Variants in EPB41 observed in about 807,000 individuals in gnomAD.
EPB41 encodes the protein erythrocyte membrane protein band 4.1, also known as protein 4.1.
Under a neutral mutation model 108.0 loss-of-function variants are expected in EPB41, and 65 were observed. The ratio of observed to expected loss-of-function variants is 0.60; its 90% CI spans 0.49 to 0.74. The LOEUF is 0.74. Ranked by LOEUF, EPB41 falls within the 30% of genes least tolerant of loss-of-function variation. The probability of loss-of-function intolerance (pLI) is 0.00; values close to 1 mark genes in which losing one functional copy is unlikely to be tolerated. For missense variants in EPB41, 875 were observed against 1,037.0 expected, an observed-to-expected ratio of 0.84 and a Z score of 2.15; for synonymous variants, 336 against 358.9, an observed-to-expected ratio of 0.94 and a Z score of 0.72.
intron 16 of EPB41, chr1:29,073,003 T>A (rs1652183098): frequency 6.8e-6 from 1 of 146,340 alleles, no homozygotes; most frequent in African/African-American, 2.5e-5. Context: ...CCGAGCTACT[T>A]GGGAGGCTGA....
intron 1 of EPB41, among the ~76,000 whole-genome samples, chr1:28,935,867 C>T (rs557799850): frequency 3.3e-4 from 49 of 150,724 alleles, no homozygotes; most frequent in African/African-American, 1.1e-3. Context: ...TGGAGTCAGC[C>T]GAGACTGTGC....
At chr1:29,033,295 G>A in intron 9 of EPB41, 50 bp downstream of exon 9, 5 of 1,596,618 alleles carry the variant, frequency 3.1e-6, no homozygotes, top group Non-Finnish European at 4.3e-6. Flanking sequence ...GTCTGTATCT[G>A]AAATATCTAC....
intron 1 of EPB41, among the ~76,000 whole-genome samples, chr1:28,905,818 CTTT>C (rs573552880): frequency 1.3e-4 from 17 of 133,856 alleles, no homozygotes; most frequent in Admixed American, 1.6e-4. Flanking sequence ...TTCTTTCTTT[CTTT>C]TTTTTTTTTT....
intron 10 of EPB41, 130 bp downstream of exon 10, chr1:29,036,053 G>A: frequency 1.4e-6 from 1 of 701,934 alleles, no homozygotes; most frequent in Admixed American, 2.4e-5. Flanking sequence ...ATCATCTTAA[G>A]CAAGACAAAA....
At chr1:28,892,579 G>T (rs1189393625) in intron 1 of EPB41, among the ~76,000 whole-genome samples, 1 of 151,910 alleles carries the variant, frequency 6.6e-6, no homozygotes, top group African/African-American at 2.4e-5. Flanking sequence ...AAAATACACG[G>T]TGGCATGCGC....
Position 28,907,851 on chromosome 1 carries a change from G to A in EPB41, c.-8+20641G>A, listed in dbSNP as rs926645777. 1.3e-4 allele frequency among the ~76,000 whole-genome samples: 19 copies of A among 143,290 alleles called. No individual in the cohort carries two copies. In the East Asian group the frequency reaches 3.4e-3, roughly 26 times the overall value. 94.0% of individuals were successfully genotyped at this position (143,290 alleles called of 152,430 possible). ...TTTTAAAAATTTTAATTTTTTTTTT[G>A]TAGAGATGAGGTCTCACTATGTTGC... On this transcript the variant is annotated intron_variant, in intron 1 of 16. Coordinates refer to the EPB41 transcript ENST00000347529.
intron 16 of EPB41, among the ~76,000 whole-genome samples, chr1:29,077,395 AC>A (rs1654526707): frequency 6.6e-6 from 1 of 151,606 alleles, no homozygotes; most frequent in Admixed American, 6.6e-5. Flanking sequence ...ACATAGCAAG[AC>A]CCCATCTCAA....
chr1:28,971,417 C>G (rs2095494814), intron 1 of EPB41, among the ~76,000 whole-genome samples: 1 of 151,700 alleles, frequency 6.6e-6, no homozygotes. Flanking sequence ...CTCCTGACCT[C>G]AAGTGATCCA....
rs200050485 is a variant in EPB41 at position 28,900,288 on chromosome 1, TTC to T, written c.-8+13080_-8+13081del. Among the ~76,000 whole-genome samples the T allele has an allele frequency of 1.8e-4, 27 of 149,526 alleles. 1 individual carries two copies. The highest frequency in any genetic ancestry group is 3.2e-4 in the African/African-American group (13 of 40,094). On this transcript the variant is annotated intron_variant, in intron 1 of 16. Transcript: ENST00000347529. ...GTGATGTGGGATCATTTACTTCTTCTTCTTTTTTTTTTTTTTTGAGATGGAGT... is the reference window on the plus strand; with the variant it reads ...GTGATGTGGGATCATTTACTTCTTCTTTTTTTTTTTTTTTTGAGATGGAGT...
chr1:28,983,740 C>T (rs916188692), intron 1 of EPB41, among the ~76,000 whole-genome samples: 1 of 152,150 alleles, frequency 6.6e-6, no homozygotes, highest in South Asian at 2.1e-4. Flanking sequence ...TCCCTCCAAG[C>T]CCCAGAGGGC....
chr1:28,960,995 C>G (rs2095189537), intron 1 of EPB41, among the ~76,000 whole-genome samples: 1 of 148,366 alleles, frequency 6.7e-6, no homozygotes, highest in Non-Finnish European at 1.5e-5. Flanking sequence ...GATAGTGCCA[C>G]TGCACTCCAG....
At chr1:29,054,532 A>G (rs1472370219) in intron 12 of EPB41, 1 of 90,796 alleles carries the variant, frequency 1.1e-5, no homozygotes, top group Non-Finnish European at 2.4e-5. Context: ...TGTTTTGATT[A>G]TATTAAAAAA....
Position 28,956,949 on chromosome 1 carries a change from G to A in EPB41, c.-7-30482G>A, listed in dbSNP as rs1287181606. 3.3e-5 allele frequency among the ~76,000 whole-genome samples: 5 copies of A among 152,340 alleles called. No individual in the cohort carries two copies. In the East Asian group the frequency reaches 9.6e-4, roughly 29 times the overall value. On this transcript the variant is annotated intron_variant, in intron 1 of 20. Coordinates refer to ENST00000343067, the MANE Select transcript of EPB41 (RefSeq NM_001376013.1). ...AGAGTTTAGGAAAGGCTTCCTACATGAGCTGCAACTTGAGCTTAGCCTTGA... is the reference window on the plus strand; with the variant it reads ...AGAGTTTAGGAAAGGCTTCCTACATAAGCTGCAACTTGAGCTTAGCCTTGA...
At chr1:29,031,352 A>G (rs1310717662) in intron 8 of EPB41, among the ~76,000 whole-genome samples, 1 of 152,202 alleles carries the variant, frequency 6.6e-6, no homozygotes, top group Non-Finnish European at 1.5e-5. Flanking sequence ...GAGGATGTTC[A>G]TTAAATATGT....
chr1:28,982,852 A>G (rs1324650435), intron 1 of EPB41, among the ~76,000 whole-genome samples: 2 of 152,188 alleles, frequency 1.3e-5, no homozygotes, highest in Admixed American at 6.5e-5. Flanking sequence ...GTAGCCTATG[A>G]AGTGTTCTGT....
chr1:29,023,611 C>T lies in EPB41; in HGVS notation c.1124+5169C>T, dbSNP rs1046735798. Among the ~76,000 whole-genome samples, 22 of 151,582 alleles carry T rather than the reference C, an allele frequency of 1.5e-4. 1 individual carries two copies. The highest frequency in any genetic ancestry group is 5.1e-4 in the African/African-American group (21 of 41,092). Reference sequence around the variant, plus strand: ...CTGAGGCAGGAGAATCGCTTGAACTCGGGAGGCAGAGGTTGCAGTGAACCG... The same window carrying T: ...CTGAGGCAGGAGAATCGCTTGAACTTGGGAGGCAGAGGTTGCAGTGAACCG... On this transcript the variant is annotated intron_variant, in intron 7 of 20. Transcript: ENST00000343067.
At chr1:28,981,230 C>T (rs2095737107) in intron 1 of EPB41, among the ~76,000 whole-genome samples, 1 of 152,204 alleles carries the variant, frequency 6.6e-6, no homozygotes, top group Non-Finnish European at 1.5e-5. Flanking sequence ...TTATGGTCTG[C>T]ATATGAGTAC....
chr1:29,095,466 G>A (rs1558297109), intron 16 of EPB41, among the ~76,000 whole-genome samples: 1 of 152,146 alleles, frequency 6.6e-6, no homozygotes, highest in Non-Finnish European at 1.5e-5. Flanking sequence ...TTGGAAATAT[G>A]AAACATTTTT....
At chr1:28,923,492 T>A (rs1474727392) in intron 1 of EPB41, among the ~76,000 whole-genome samples, 1 of 152,236 alleles carries the variant, frequency 6.6e-6, no homozygotes, top group Non-Finnish European at 1.5e-5. Context: ...AAAAAGCTGA[T>A]CTTTTATTAA....
Sources: allele counts gnomAD v4.1 joint callset (sites outside exome capture counted in the v4.1 genomes callset), GRCh38; gene constraint gnomAD v4.1.1; transcripts MANE v1.5; gene names NCBI Gene and HGNC (gene_info 2026-07-23, HGNC 2026-07-21).